The following PRRC2C variants were observed in gnomAD, a reference collection of about 807,000 sequenced individuals.
PRRC2C encodes the protein proline rich coiled-coil 2C, also known as protein PRRC2C.
In PRRC2C, 72 loss-of-function variants were observed where a neutral mutation model predicts 317.2. The observed-to-expected ratio is 0.23, with a 90% CI of 0.19 to 0.28. The LOEUF is 0.28. PRRC2C is among the 10% of genes least tolerant of loss of function. The probability of loss-of-function intolerance (pLI) is 1.00; values close to 1 mark genes in which losing one functional copy is unlikely to be tolerated. For missense variants in PRRC2C, 3,074 were observed against 3,459.7 expected (o/e 0.89, Z 2.80); for synonymous variants, 1,296 against 1,205.9 (o/e 1.07, Z -1.55).
intron 10 of PRRC2C, among the ~76,000 whole-genome samples, chr1:171,525,930 A>G (rs367738504): frequency 6.6e-6 from 1 of 152,370 alleles, no homozygotes; most frequent in East Asian, 1.9e-4. Context: ...AATGTATGCT[A>G]TATGAGGGTT....
rs191297277 is a variant in PRRC2C, at chr1:171,565,873, T to C, written c.6118-360T>C. Among the ~76,000 whole-genome samples the C allele has an allele frequency of 2.4e-3, 361 of 152,366 alleles. 4 individuals carry two copies. The highest frequency in any genetic ancestry group is 1.1e-3 in the Non-Finnish European group (74 of 68,040). ...ACTTCTGAGAAGCAGGTGACACTTA[T>C]TACTGTCTTTTATTTCCAGTGTATT... On this transcript the variant is annotated intron_variant, in intron 20 of 34. Coordinates refer to ENST00000647382, the MANE Select transcript of PRRC2C (RefSeq NM_001387844.1).
Position 171,557,385 on chromosome 1 carries a change from C to T in PRRC2C, c.5273C>T (p.Pro1758Leu). The change falls in exon 19 of 35, where the codon CCT becomes CTT. Residue 1758 changes from proline to leucine, a missense_variant. By Grantham distance (98) the Pro-to-Leu change is moderately conservative. Transcript: ENST00000647382. ...VPPLASAPLP[P>L]STSASVPAST... ...CCTCTAGCTTCGGCTCCACTTCCAC[C>T]TTCAACCTCAGCTTCAGTTCCAGCC... The T allele has an allele frequency of 1.0e-5, 16 of 1,551,762 alleles. No homozygotes were observed. The highest frequency in any genetic ancestry group is 1.3e-5 in the Non-Finnish European group (15 of 1,147,004).
At chr1:171,517,028 A>G (rs1423262888) in intron 5 of PRRC2C, among the ~76,000 whole-genome samples, 3 of 152,242 alleles carry the variant, frequency 2.0e-5, no homozygotes, top group South Asian at 2.1e-4. Flanking sequence ...ACCAGAAGAT[A>G]AAGATCATTT....
At chr1:171,582,112 A>G (rs1648754270) in intron 28 of PRRC2C, among the ~76,000 whole-genome samples, 1 of 152,218 alleles carries the variant, frequency 6.6e-6, no homozygotes, top group Admixed American at 6.5e-5. Context: ...AGGCTAGGCC[A>G]TTTATATTAA....
At chr1:171,568,943 A>T (rs1313042732) in intron 23 of PRRC2C, among the ~76,000 whole-genome samples, 3 of 152,216 alleles carry the variant, frequency 2.0e-5, no homozygotes, top group African/African-American at 7.2e-5. Context: ...TTTCCAGAGC[A>T]ACCATGTTAC....
Position 171,541,351 on chromosome 1 carries a change from T to C in PRRC2C, c.3885T>C (p.Pro1295=), listed in dbSNP as rs1677908929. ...AACTTCCCAAAAGAGAGGAACGGCCTGAAAACAAAAAACCTGTAAAGCCTC... is the reference window on the plus strand; with the variant it reads ...AACTTCCCAAAAGAGAGGAACGGCCCGAAAACAAAAAACCTGTAAAGCCTC... ...KGKLPKREER[P]ENKKPVKPHS... The change falls in exon 16 of 35, where the codon CCT becomes CCC. Residue 1295 remains proline, a synonymous_variant. Transcript: ENST00000647382. The surrounding 1 kb of genome is among the most constrained non-coding windows in gnomAD (Gnocchi z 4.1). 4 of 1,611,554 alleles carry C rather than the reference T, an allele frequency of 2.5e-6. No individual in the cohort carries two copies. The highest frequency in any genetic ancestry group is 1.3e-5 in the African/African-American group (1 of 74,708).
chr1:171,533,894 T>G (rs1676326542), intron 12 of PRRC2C, among the ~76,000 whole-genome samples: 1 of 152,150 alleles, frequency 6.6e-6, no homozygotes, highest in Non-Finnish European at 1.5e-5. Context: ...AGTACTGGGA[T>G]TGTAGACGTG....
At chr1:171,505,901 T>C (rs900548824) in intron 1 of PRRC2C, among the ~76,000 whole-genome samples, 1 of 152,216 alleles carries the variant, frequency 6.6e-6, no homozygotes, top group African/African-American at 2.4e-5. Context: ...TGTTTAGACA[T>C]GTTTCGATAT....
At chr1:171,560,752 T>C (rs186115674) in intron 19 of PRRC2C, among the ~76,000 whole-genome samples, 3 of 152,372 alleles carry the variant, frequency 2.0e-5, no homozygotes, top group African/African-American at 7.2e-5. Context: ...ACTTTTGATA[T>C]GCACTTGGAA....
Position 171,541,524 on chromosome 1 carries a change from G to T in PRRC2C, c.4058G>T (p.Gly1353Val). ...RRGRGGTFRR[G>V]GRDPGGRPSR... Reference sequence around the variant, plus strand: ...GGCAGAGGGGGAACATTCAGGCGTGGTGGAAGGGATCCTGGAGGCCGTCCA... The same window carrying T: ...GGCAGAGGGGGAACATTCAGGCGTGTTGGAAGGGATCCTGGAGGCCGTCCA... The change falls in exon 16 of 35, where the codon GGT becomes GTT. Residue 1353 changes from glycine to valine, a missense_variant. Coordinates refer to ENST00000647382, the MANE Select transcript of PRRC2C (RefSeq NM_001387844.1). The surrounding 1 kb of genome is among the most constrained non-coding windows in gnomAD (Gnocchi z 4.1). The T allele has an allele frequency of 6.2e-7, 1 of 1,613,644 alleles. No homozygotes were observed. The highest frequency in any genetic ancestry group is 8.5e-7 in the Non-Finnish European group (1 of 1,179,778).
In PRRC2C at chr1:171,551,395, C is replaced by A. The variant is rs1335096846; in HGVS notation, c.5127+1155C>A. ...CAGATGAGTAGATTGCAAAAATTTT[C>A]TCCCATTCTGTAGGTTGCCTGTTCA... is the stretch of plus-strand genomic sequence containing the variant. On this transcript the variant is annotated intron_variant, in intron 18 of 34. Transcript: ENST00000647382. Among the ~76,000 whole-genome samples, 3 of 152,144 alleles carry A rather than the reference C, an allele frequency of 2.0e-5. No homozygotes were observed. The East Asian group carries it at 5.8e-4, about 29-fold the overall frequency.
intron 17 of PRRC2C, among the ~76,000 whole-genome samples, chr1:171,548,712 G>C (rs943886558): frequency 1.3e-5 from 2 of 152,126 alleles, no homozygotes; most frequent in African/African-American, 2.4e-5. Context: ...GTAATTTTAA[G>C]ATAGCCAAAA....
intron 11 of PRRC2C, among the ~76,000 whole-genome samples, chr1:171,530,232 T>C (rs190354555): frequency 1.3e-5 from 2 of 150,738 alleles, no homozygotes; most frequent in Non-Finnish European, 3.0e-5. Flanking sequence ...GACGAAGGAC[T>C]TGTAGCTGGG....
chr1:171,552,975 T>TA (rs902458480), intron 18 of PRRC2C, among the ~76,000 whole-genome samples: 1 of 152,234 alleles, frequency 6.6e-6, no homozygotes, highest in East Asian at 1.9e-4. Flanking sequence ...GCTGGCCTCA[T>TA]AAAATGAGTT....
At chr1:171,554,785 T>C (rs1681016342) in intron 18 of PRRC2C, among the ~76,000 whole-genome samples, 1 of 152,232 alleles carries the variant, frequency 6.6e-6, no homozygotes, top group Non-Finnish European at 1.5e-5. Flanking sequence ...TGTTGAATAT[T>C]GGCCCCCACT....
Position 171,550,210 on chromosome 1 carries a change from A to G in PRRC2C, c.5097A>G (p.Glu1699=). 1 of 1,603,044 alleles carries G rather than the reference A, an allele frequency of 6.2e-7. No homozygotes were observed. Among genetic ancestry groups the G allele is most frequent in the South Asian group, 1.1e-5 (1 of 89,020 alleles). ...AACAAAAACGTTTACAGGATGAAGA[A>G]CGCCGAAAGAAGGAAGAACAAGTCA... ...KKQQKRLQDE[E]RRKKEEQVIQ... The change falls in exon 18 of 35, where the codon GAA becomes GAG. Residue 1699 remains glutamate, a synonymous_variant. Coordinates refer to ENST00000647382, the MANE Select transcript of PRRC2C (RefSeq NM_001387844.1).
In PRRC2C at chr1:171,581,816, G is replaced by A. The variant is rs149349069; in HGVS notation, c.7409+1852G>A. ...AGTGGCTTTTGTTCCTGCCACATAG[G>A]TCAGTTTTAACAAAGCAACAAAGCA... On this transcript the variant is annotated intron_variant, in intron 28 of 34. Transcript: ENST00000647382. 3.7e-4 allele frequency among the ~76,000 whole-genome samples: 56 copies of A among 152,276 alleles called. 1 individual carries two copies. The East Asian group carries it at 8.5e-3, about 23-fold the overall frequency.
At chr1:171,569,195 C>G (rs1684240695) in intron 23 of PRRC2C, among the ~76,000 whole-genome samples, 2 of 152,006 alleles carry the variant, frequency 1.3e-5, no homozygotes, top group South Asian at 4.1e-4. Context: ...TAAGTAAAGG[C>G]TATCAGACTA....
At position 171,540,927 on chromosome 1, in the gene PRRC2C, G is replaced by A. The variant is rs767926177; in HGVS notation, c.3461G>A (p.Arg1154Gln). 2.6e-5 allele frequency: 42 copies of A among 1,613,576 alleles called. No homozygotes were observed. Among genetic ancestry groups the A allele is most frequent in the Admixed American group, 1.2e-4 (7 of 59,982 alleles). ...ISKDLVIERP[R>Q]PDSRPAVKKE... is the part of the protein sequence containing the mutation. ...AAAGACCTTGTTATAGAGAGGCCTCGACCAGATTCAAGACCAGCAGTTAAA... is the reference window on the plus strand; with the variant it reads ...AAAGACCTTGTTATAGAGAGGCCTCAACCAGATTCAAGACCAGCAGTTAAA... The change falls in exon 16 of 35, where the codon CGA becomes CAA. Residue 1154 changes from arginine to glutamine, a missense_variant. This residue lies in a region of PRRC2C where 1,320 missense variants were observed against 1,395.7 expected (regional missense o/e 0.95). Transcript: ENST00000647382.
Sources: gnomAD v4.1 joint callset for allele counts (sites outside exome capture counted in the v4.1 genomes callset) on GRCh38, gnomAD v4.1.1 for gene constraint, gnomAD v4.1.1 regional missense constraint, Gnocchi (gnomAD v3.1) non-coding constraint, MANE v1.5 for transcripts, NCBI Gene and HGNC (gene_info 2026-07-23, HGNC 2026-07-21) for gene names.